Variants in PDCD1LG2 observed in about 807,000 individuals in gnomAD.
PDCD1LG2 encodes B7 dendritic cell molecule.
PDCD1LG2 carries 32 observed loss-of-function variants against 28.2 expected under a neutral mutation model. The ratio of observed to expected loss-of-function variants is 1.13; its 90% CI spans 0.86 to 1.52. The LOEUF (loss-of-function observed/expected upper bound fraction) is 1.52. Ranked by LOEUF, PDCD1LG2 falls within the 40% of genes most tolerant of loss-of-function variation. PDCD1LG2 has a pLI of 0.00. For missense variants in PDCD1LG2, 385 were observed against 323.8 expected, an observed-to-expected ratio of 1.19 and a Z score of -1.45; for synonymous variants, 116 against 120.2, an observed-to-expected ratio of 0.97 and a Z score of 0.23.
intron 1 of PDCD1LG2, among the ~76,000 whole-genome samples, chr9:5,514,968 C>T (rs1003812729): frequency 2.0e-5 from 3 of 152,000 alleles, no homozygotes; most frequent in Non-Finnish European, 4.4e-5. Context: ...CAGGCAAGAT[C>T]TTAGTGAAGT....
At chr9:5,532,950 T>C (rs1820510263) in intron 2 of PDCD1LG2, among the ~76,000 whole-genome samples, 1 of 152,210 alleles carries the variant, frequency 6.6e-6, no homozygotes, top group Non-Finnish European at 1.5e-5. Context: ...CTGAAGCTCA[T>C]AAAGATTAAA....
intron 3 of PDCD1LG2, among the ~76,000 whole-genome samples, chr9:5,535,731 C>A (rs1247172638): frequency 6.6e-6 from 1 of 152,016 alleles, no homozygotes; most frequent in African/African-American, 2.4e-5. Context: ...TAGCTGAGAT[C>A]CAGAGAAGGG....
chr9:5,556,783 T>C (rs1230565272), intron 4 of PDCD1LG2, among the ~76,000 whole-genome samples: 7 of 152,174 alleles, frequency 4.6e-5, no homozygotes, highest in East Asian at 1.9e-4. Context: ...ACAAATTAAC[T>C]TGAGTACCCT....
intron 3 of PDCD1LG2, among the ~76,000 whole-genome samples, chr9:5,541,526 T>C (rs139980324): frequency 0.019 from 2,910 of 152,202 alleles, 95 homozygotes; most frequent in African/African-American, 0.066. Flanking sequence ...ACAAAATTAA[T>C]GTACACAAAT....
At chr9:5,543,894 G>C (rs1306423729) in intron 3 of PDCD1LG2, among the ~76,000 whole-genome samples, 1 of 152,066 alleles carries the variant, frequency 6.6e-6, no homozygotes, top group East Asian at 1.9e-4. Context: ...GGAAGCTCCT[G>C]GGGATTACAA....
intron 3 of PDCD1LG2, among the ~76,000 whole-genome samples, chr9:5,536,590 A>G (rs1304894685): frequency 6.6e-6 from 1 of 152,026 alleles, no homozygotes; most frequent in African/African-American, 2.4e-5. Flanking sequence ...GTTTTTATTG[A>G]TCTCTATCTG....
chr9:5,557,967 A>C (rs980953096), intron 5 of PDCD1LG2, among the ~76,000 whole-genome samples: 1 of 152,068 alleles, frequency 6.6e-6, no homozygotes, highest in Admixed American at 6.5e-5. Flanking sequence ...TTTTAAAGGG[A>C]ATGTTTTGTT....
At chr9:5,558,901 A>G (rs1816501125) in intron 5 of PDCD1LG2, among the ~76,000 whole-genome samples, 1 of 152,232 alleles carries the variant, frequency 6.6e-6, no homozygotes, top group African/African-American at 2.4e-5. Context: ...AGGGAGCTTC[A>G]TGGTAAAGGA....
intron 3 of PDCD1LG2, among the ~76,000 whole-genome samples, chr9:5,541,553 C>T (rs961728841): frequency 6.6e-6 from 1 of 151,844 alleles, no homozygotes; most frequent in East Asian, 1.9e-4. Context: ...CTCTGCTATA[C>T]ACCAACATCA....
At chr9:5,532,435 TGCAGTTTGATGAAA>T (rs1820501226) in intron 2 of PDCD1LG2, among the ~76,000 whole-genome samples, 2 of 152,240 alleles carry the variant, frequency 1.3e-5, no homozygotes, top group Admixed American at 6.5e-5. Flanking sequence ...ACAGGCAAGT[TGCAGTTTGATGAAA>T]GGAAAGCAGA....
chr9:5,547,610 A>G (rs753930224), intron 3 of PDCD1LG2, among the ~76,000 whole-genome samples: 12 of 152,176 alleles, frequency 7.9e-5, no homozygotes, highest in Non-Finnish European at 1.5e-4. Context: ...ATGGGGTACA[A>G]TATGATGTTT....
chr9:5,532,434 T>G (rs568344820), intron 2 of PDCD1LG2, among the ~76,000 whole-genome samples: 1 of 152,196 alleles, frequency 6.6e-6, no homozygotes, highest in Non-Finnish European at 1.5e-5. Context: ...CACAGGCAAG[T>G]TGCAGTTTGA....
At chr9:5,546,330 A>G (rs1040193578) in intron 3 of PDCD1LG2, among the ~76,000 whole-genome samples, 2 of 152,202 alleles carry the variant, frequency 1.3e-5, no homozygotes, top group African/African-American at 4.8e-5. Context: ...GTTCTACTTC[A>G]TTCCCCAAAA....
chr9:5,516,404 T>G (rs1820164963), intron 1 of PDCD1LG2, among the ~76,000 whole-genome samples: 1 of 152,062 alleles, frequency 6.6e-6, no homozygotes, highest in African/African-American at 2.4e-5. Context: ...GATTGGCCCA[T>G]GGGCAGCCAT....
Position 5,533,914 on chromosome 9 carries a change from G to T in PDCD1LG2, c.56-831G>T, listed in dbSNP as rs1465548959. On this transcript the variant is annotated intron_variant, in intron 2 of 6. Transcript: ENST00000397747. ...TTAAAAGTACCTAGCACAGTGCCTG[G>T]CATAGAACATACTAGATATACATTA... 4.0e-5 allele frequency among the ~76,000 whole-genome samples: 6 copies of T among 150,138 alleles called. No homozygotes were observed. The Admixed American group carries it at 4.0e-4, about 10-fold the overall frequency.
At chr9:5,562,491 G>C (rs1247218668) in intron 5 of PDCD1LG2, among the ~76,000 whole-genome samples, 4 of 152,172 alleles carry the variant, frequency 2.6e-5, no homozygotes, top group Non-Finnish European at 5.9e-5. Flanking sequence ...CTCAGAAGGA[G>C]AGAGTAGGGA....
intron 2 of PDCD1LG2, among the ~76,000 whole-genome samples, chr9:5,524,490 T>G (rs1482543947): frequency 1.3e-5 from 2 of 152,264 alleles, no homozygotes; most frequent in Non-Finnish European, 2.9e-5. Flanking sequence ...TTTTCTGCTT[T>G]CCACTATGCA....
chr9:5,519,403 A>G (rs964457543), intron 1 of PDCD1LG2, among the ~76,000 whole-genome samples: 1 of 152,184 alleles, frequency 6.6e-6, no homozygotes, highest in Non-Finnish European at 1.5e-5. Flanking sequence ...TGGGAGCGGC[A>G]GTCCCTTCAG....
chr9:5,512,034 G>A (rs905399779), intron 1 of PDCD1LG2, among the ~76,000 whole-genome samples: 2 of 152,204 alleles, frequency 1.3e-5, no homozygotes, highest in African/African-American at 2.4e-5. Context: ...TGGACAGGGG[G>A]AAGTTTGAGG....
Sources: gnomAD v4.1 joint callset for allele counts (sites outside exome capture counted in the v4.1 genomes callset) on GRCh38, gnomAD v4.1.1 for gene constraint, MANE v1.5 for transcripts, NCBI Gene and HGNC (gene_info 2026-07-23, HGNC 2026-07-21) for gene names.